TMEM236: variants seen among roughly 807,000 people sequenced by gnomAD.
TMEM236 encodes the protein family with sequence similarity 23, member A.
TMEM236 carries 11 observed loss-of-function variants against 14.7 expected under a neutral mutation model. The observed-to-expected ratio is 0.75, with a 90% CI of 0.47 to 1.24. The LOEUF is 1.24. Ranked by LOEUF, TMEM236 falls within the 50% of genes most tolerant of loss-of-function variation. TMEM236 has a pLI of 0.00. For synonymous variants in TMEM236, 182 were observed against 168.6 expected, an observed-to-expected ratio of 1.08 and a Z score of -0.62; for missense variants, 464 against 427.3, an observed-to-expected ratio of 1.09 and a Z score of -0.76.
chr10:17,795,841 G>C (rs1838002859), intron 3 of TMEM236, 80 bp from the exon 4 acceptor site: 1 of 1,403,550 alleles, frequency 7.1e-7, no homozygotes, highest in Admixed American at 1.8e-5. Flanking sequence ...CCTTTAAATG[G>C]AATTTTAAAT....
In TMEM236 at chr10:17,759,982, CAAAAAAA is replaced by C. The variant is rs35596189; in HGVS notation, c.257+7453_257+7459del. 3.5e-3 allele frequency among the ~76,000 whole-genome samples: 192 copies of C among 54,694 alleles called. 2 individuals are homozygous for C. Among genetic ancestry groups the C allele is most frequent in the Admixed American group, 8.1e-4 (3 of 3,686 alleles). The allele number at this position is 54,694 out of a possible 152,430, so 35.9% of individuals were successfully genotyped here. ...TGGACGAAAGAGCGAGACTCCGTCT[CAAAAAAA>C]AAAAAAAAAAAAAAAAAAAAAAGAT... On this transcript the variant is annotated intron_variant, in intron 1 of 3. Coordinates refer to ENST00000377495, the MANE Select transcript of TMEM236 (RefSeq NM_001098844.3).
chr10:17,788,534 T>C (rs1386845710), intron 3 of TMEM236, among the ~76,000 whole-genome samples: 1 of 149,400 alleles, frequency 6.7e-6, no homozygotes, highest in Non-Finnish European at 1.5e-5. Flanking sequence ...GAGGGTTGCT[T>C]CAGCCCAGGA....
intron 3 of TMEM236, among the ~76,000 whole-genome samples, chr10:17,781,893 G>C (rs1837757586): frequency 6.6e-6 from 1 of 151,574 alleles, no homozygotes; most frequent in Non-Finnish European, 1.5e-5. Context: ...TCATTTGGGG[G>C]AAAAAAAAGC....
intron 2 of TMEM236, among the ~76,000 whole-genome samples, chr10:17,775,272 G>GT (rs1837641409): frequency 6.6e-6 from 1 of 151,970 alleles, no homozygotes; most frequent in Admixed American, 6.6e-5. Context: ...ATTGTGGTTT[G>GT]TTTTTGTTTC....
chr10:17,776,634 A>G (rs1230012917), intron 3 of TMEM236, among the ~76,000 whole-genome samples: 1 of 152,182 alleles, frequency 6.6e-6, no homozygotes, highest in Non-Finnish European at 1.5e-5. Flanking sequence ...CAAAGATCAC[A>G]CTAATAAAAC....
chr10:17,764,369 A>G (rs1334104624), intron 1 of TMEM236, among the ~76,000 whole-genome samples: 1 of 152,150 alleles, frequency 6.6e-6, no homozygotes, highest in Non-Finnish European at 1.5e-5. Context: ...ACCCTAACTC[A>G]GTCTTTCATG....
At chr10:17,754,832 T>C (rs2131738251) in intron 1 of TMEM236, among the ~76,000 whole-genome samples, 1 of 152,356 alleles carries the variant, frequency 6.6e-6, no homozygotes, top group East Asian at 1.9e-4. Context: ...GTATTTTTCC[T>C]TTTAGATCTT....
intron 1 of TMEM236, among the ~76,000 whole-genome samples, chr10:17,765,009 A>G (rs1299509438): frequency 5.9e-5 from 9 of 151,712 alleles, no homozygotes; most frequent in Non-Finnish European, 1.2e-4. Context: ...TTTAGTAGAG[A>G]TGGGATTTTA....
chr10:17,795,802 T>TG, intron 3 of TMEM236, 119 bp from the exon 4 acceptor site: 1 of 1,094,694 alleles, frequency 9.1e-7, no homozygotes, highest in Non-Finnish European at 1.3e-6. Flanking sequence ...TTAAATTAAG[T>TG]GAAAAACAAA....
chr10:17,778,751 C>A (rs1468451903), intron 3 of TMEM236, among the ~76,000 whole-genome samples: 1 of 152,242 alleles, frequency 6.6e-6, no homozygotes, highest in Non-Finnish European at 1.5e-5. Context: ...GACACTCTCA[C>A]AGCATCCTAA....
chr10:17,775,176 G>C (rs1837639627), intron 2 of TMEM236, among the ~76,000 whole-genome samples: 1 of 152,100 alleles, frequency 6.6e-6, no homozygotes. Context: ...AAGTGGCCAT[G>C]GTGGCATCTT....
intron 3 of TMEM236, among the ~76,000 whole-genome samples, chr10:17,788,881 A>G (rs1439658201): frequency 2.6e-5 from 4 of 152,112 alleles, no homozygotes; most frequent in African/African-American, 9.7e-5. Context: ...CGGGTTGAAT[A>G]TTTGTCTTGA....
chr10:17,782,136 G>C (rs1489825308), intron 3 of TMEM236, among the ~76,000 whole-genome samples: 2 of 152,104 alleles, frequency 1.3e-5, no homozygotes, highest in African/African-American at 4.8e-5. Context: ...TGTAGGCAGA[G>C]TGACCCGTCT....
Position 17,776,049 on chromosome 10 carries a change from G to A in TMEM236, c.351G>A (p.Gly117=), listed in dbSNP as rs932363255. The A allele has an allele frequency of 1.1e-5, 18 of 1,613,688 alleles. No homozygotes were observed. In the African/African-American group the frequency reaches 1.9e-4, roughly 17 times the overall value. Residue 117 remains glycine, a synonymous_variant, in exon 3 of 4, where the codon GGG becomes GGA. Coordinates refer to ENST00000377495, the MANE Select transcript of TMEM236 (RefSeq NM_001098844.3). ...AACAGGTTCAAAAGAGCATTAATGG[G>A]TCCGCTGATGTCTTACCTGATATGT... ...AVTEVQKSIN[G]SADVLPDMLP... is the part of the protein sequence containing the mutation.
Position 17,795,978 on chromosome 10 carries a change from A to G in TMEM236, c.530A>G (p.Glu177Gly). 3.1e-6 allele frequency: 5 copies of G among 1,613,984 alleles called. No individual in the cohort carries two copies. Among genetic ancestry groups the G allele is most frequent in the Non-Finnish European group, 2.5e-6 (3 of 1,179,870 alleles). ...TTGCAACACATAAAAACTGTGACGG[A>G]GCAAGTGAGGCAAAGTCCAGAAAAC... is the stretch of plus-strand genomic sequence containing the variant. ...TSLQHIKTVT[E>G]QVRQSPENAA... Residue 177 changes from glutamate to glycine, a missense_variant, in exon 4 of 4, where the codon GAG (glutamate) becomes GGG (glycine). Glu to Gly is a moderately conservative substitution (Grantham distance 98). Coordinates refer to ENST00000377495, the MANE Select transcript of TMEM236 (RefSeq NM_001098844.3).
At chr10:17,774,694 A>G (rs1403822755) in intron 2 of TMEM236, among the ~76,000 whole-genome samples, 3 of 151,978 alleles carry the variant, frequency 2.0e-5, no homozygotes, top group Non-Finnish European at 4.4e-5. Context: ...TATAAATTTT[A>G]TTGTCAGCCT....
chr10:17,768,203 C>T (rs1249239778), intron 1 of TMEM236, among the ~76,000 whole-genome samples: 1 of 146,726 alleles, frequency 6.8e-6, no homozygotes, highest in African/African-American at 2.5e-5. Context: ...GCTGGAATTA[C>T]AGGCATGAGC....
chr10:17,760,282 C>G (rs1837342517), intron 1 of TMEM236, among the ~76,000 whole-genome samples: 1 of 151,660 alleles, frequency 6.6e-6, no homozygotes. Context: ...GATTTATTGA[C>G]TATTTGTATT....
chr10:17,758,354 C>T (rs1837311508), intron 1 of TMEM236, among the ~76,000 whole-genome samples: 1 of 152,152 alleles, frequency 6.6e-6, no homozygotes, highest in Non-Finnish European at 1.5e-5. Context: ...GTGTCATGAG[C>T]CCTGTGAGGC....
Sources: allele counts gnomAD v4.1 joint callset (sites outside exome capture counted in the v4.1 genomes callset), GRCh38; gene constraint gnomAD v4.1.1; transcripts MANE v1.5; gene names NCBI Gene and HGNC (gene_info 2026-07-23, HGNC 2026-07-21).